NAA11: variants seen among roughly 807,000 people sequenced by gnomAD.
NAA11 encodes N-alpha-acetyltransferase 11.
In NAA11, 15 loss-of-function variants were observed where a neutral mutation model predicts 16.1. The observed-to-expected ratio is 0.93, with a 90% CI of 0.62 to 1.44. The LOEUF (loss-of-function observed/expected upper bound fraction) is 1.44, where lower values mean the gene tolerates loss of function less well. Among genes scored for constraint, NAA11 ranks in the 40% most tolerant of loss-of-function variants. The pLI, the probability that NAA11 is intolerant of heterozygous loss-of-function variation, is 0.00. For synonymous variants in NAA11, 122 were observed against 112.4 expected (o/e 1.09, Z -0.54); for missense variants, 298 against 291.3 (o/e 1.02, Z -0.17).
the NAA11 span, among the ~76,000 whole-genome samples, chr4:79,198,862 TA>T: frequency 1.1e-4 from 17 of 151,890 alleles, no homozygotes; most frequent in Non-Finnish European, 1.6e-4. Context: ...TCTTGTTACT[TA>T]AAAAATTTCA....
the NAA11 span, among the ~76,000 whole-genome samples, chr4:79,184,314 TGCCGCAA>T: frequency 6.6e-6 from 1 of 152,192 alleles, no homozygotes; most frequent in Non-Finnish European, 1.5e-5. Flanking sequence ...TATGCTGAAC[TGCCGCAA>T]GGATGCTGCC....
chr4:79,265,844 T>C (rs1289013161), intron 2 of NAA11, among the ~76,000 whole-genome samples: 1 of 152,100 alleles, frequency 6.6e-6, no homozygotes, highest in Non-Finnish European at 1.5e-5. Flanking sequence ...CTCAAGCTCC[T>C]GGCCCAAGTA....
intron 2 of NAA11, among the ~76,000 whole-genome samples, chr4:79,272,138 G>C (rs17441194): frequency 0.038 from 5,693 of 150,822 alleles, 161 homozygotes; most frequent in East Asian, 0.078. Context: ...CACAAATAAG[G>C]CTCCACAGAT....
At chr4:79,227,125 C>G (rs1423472716) in intron 2 of NAA11, 2 of 152,064 alleles carry the variant, frequency 1.3e-5, no homozygotes, top group East Asian at 3.9e-4. Flanking sequence ...GCCATTCTGA[C>G]TGGTGTGAGA....
the NAA11 span, among the ~76,000 whole-genome samples, chr4:79,202,623 T>TTATATATATATATATATGTATATA: frequency 2.3e-4 from 12 of 52,622 alleles, no homozygotes; most frequent in African/African-American, 5.5e-4. Flanking sequence ...ATATATAGTT[T>TTATATATATATATATATGTATATA]TATATATATA....
chr4:79,163,283 A>G, the NAA11 span, among the ~76,000 whole-genome samples: 1 of 152,220 alleles, frequency 6.6e-6, no homozygotes, highest in South Asian at 2.1e-4. Flanking sequence ...GCAGTTGTAC[A>G]ATAGGGATTC....
chr4:79,279,203 G>T (rs1722733444), intron 2 of NAA11, among the ~76,000 whole-genome samples: 1 of 152,098 alleles, frequency 6.6e-6, no homozygotes, highest in African/African-American at 2.4e-5. Context: ...TTATAGTAAT[G>T]TATATCATCT....
chr4:79,312,835 G>T (rs1231300539), downstream of NAA11, among the ~76,000 whole-genome samples: 2 of 152,130 alleles, frequency 1.3e-5, no homozygotes, highest in African/African-American at 4.8e-5. Flanking sequence ...GTCACTGTGT[G>T]TATGTGTGTT....
At chr4:79,223,376 T>C (rs990679454), downstream of NAA11, among the ~76,000 whole-genome samples, 43 of 150,736 alleles carry the variant, frequency 2.9e-4, no homozygotes, top group Non-Finnish European at 5.0e-4. Flanking sequence ...ATCATCATTC[T>C]CAGTGAACTA....
intron 2 of NAA11, among the ~76,000 whole-genome samples, chr4:79,231,095 A>C (rs1721452775): frequency 1.3e-5 from 2 of 152,016 alleles, no homozygotes; most frequent in Non-Finnish European, 2.9e-5. Flanking sequence ...AATGTTCCAG[A>C]AATGTGTTTC....
chr4:79,282,869 AG>A (rs766153634), intron 2 of NAA11, among the ~76,000 whole-genome samples: 1 of 152,088 alleles, frequency 6.6e-6, no homozygotes, highest in Non-Finnish European at 1.5e-5. Context: ...AAGAAGAAAA[AG>A]ATCCCCAGCT....
chr4:79,263,746 T>A (rs1722286116), intron 2 of NAA11, among the ~76,000 whole-genome samples: 1 of 152,180 alleles, frequency 6.6e-6, no homozygotes, highest in South Asian at 2.1e-4. Context: ...TCCCTCCATA[T>A]TTTCTTAGTC....
chr4:79,169,928 G>A, the NAA11 span, among the ~76,000 whole-genome samples: 5 of 152,180 alleles, frequency 3.3e-5, no homozygotes, highest in African/African-American at 4.8e-5. Context: ...TGAACAAGTC[G>A]TTTATAGCAA....
chr4:79,204,916 C>A, the NAA11 span, among the ~76,000 whole-genome samples: 5 of 90,232 alleles, frequency 5.5e-5, no homozygotes, highest in Non-Finnish European at 1.2e-4. Flanking sequence ...GGCTAATATT[C>A]CATGGTGTGT....
chr4:79,264,384 T>C (rs1722300777), intron 2 of NAA11, among the ~76,000 whole-genome samples: 1 of 152,224 alleles, frequency 6.6e-6, no homozygotes, highest in East Asian at 1.9e-4. Context: ...AAATAGGCTG[T>C]AAATCTCCCA....
intron 2 of NAA11, among the ~76,000 whole-genome samples, chr4:79,288,285 A>G (rs903390627): frequency 6.6e-6 from 1 of 152,198 alleles, no homozygotes; most frequent in African/African-American, 2.4e-5. Flanking sequence ...ACCAAATATG[A>G]AATATTACTC....
At chr4:79,194,629 A>G in the NAA11 span, among the ~76,000 whole-genome samples, 4 of 152,094 alleles carry the variant, frequency 2.6e-5, no homozygotes, top group Admixed American at 1.3e-4. Flanking sequence ...ACATGTATCA[A>G]CTAAGATTAT....
At chr4:79,296,951 A>G (rs1723237273) in intron 1 of NAA11, among the ~76,000 whole-genome samples, 2 of 152,188 alleles carry the variant, frequency 1.3e-5, no homozygotes, top group South Asian at 2.1e-4. Flanking sequence ...AGCTGCTGTC[A>G]TCAGGGAGGC....
At chr4:79,251,223 C>T (rs1221595271) in intron 2 of NAA11, among the ~76,000 whole-genome samples, 3 of 152,172 alleles carry the variant, frequency 2.0e-5, no homozygotes, top group African/African-American at 7.2e-5. Context: ...ATGAAATCAA[C>T]ATAGATGCCC....
Sources: allele counts gnomAD v4.1 joint callset (sites outside exome capture counted in the v4.1 genomes callset), GRCh38; gene constraint gnomAD v4.1.1; transcripts MANE v1.5; gene names NCBI Gene and HGNC (gene_info 2026-07-23, HGNC 2026-07-21).